The following FBXO11 variants were observed in gnomAD, a reference collection of about 807,000 sequenced individuals.
FBXO11 encodes F-box protein 11, also known as F-box only protein 11.
In FBXO11, 13 loss-of-function variants were observed where a neutral mutation model predicts 117.0. That is an observed-to-expected ratio of 0.11 (90% CI 0.07 to 0.18). FBXO11 has a LOEUF of 0.18. FBXO11 is among the 10% of genes least tolerant of loss of function. FBXO11 has a pLI of 1.00. For synonymous variants in FBXO11, 490 were observed against 380.5 expected (o/e 1.29, Z -3.35); for missense variants, 767 against 1,164.4 (o/e 0.66, Z 4.97).
chr2:47,842,873 T>C (rs1483782067), intron 1 of FBXO11, among the ~76,000 whole-genome samples: 2 of 151,540 alleles, frequency 1.3e-5, no homozygotes, highest in African/African-American at 2.4e-5. Flanking sequence ...CTGTATCTCC[T>C]GGGCTCAAGC....
chr2:47,857,281 G>A (rs931630273), intron 1 of FBXO11, among the ~76,000 whole-genome samples: 3 of 152,014 alleles, frequency 2.0e-5, no homozygotes, highest in Admixed American at 6.6e-5. Context: ...TGAGCAAGAA[G>A]GTATTTTTTT....
chr2:47,891,553 G>T (rs1298376754), intron 1 of FBXO11, among the ~76,000 whole-genome samples: 2 of 152,172 alleles, frequency 1.3e-5, no homozygotes, highest in East Asian at 3.9e-4. Flanking sequence ...CCACATCTTG[G>T]CTATTGTGAA....
intron 1 of FBXO11, among the ~76,000 whole-genome samples, chr2:47,877,359 T>C (rs1676082439): frequency 6.6e-6 from 1 of 152,184 alleles, no homozygotes; most frequent in Non-Finnish European, 1.5e-5. Flanking sequence ...CACTTGAATA[T>C]CAATTATTCC....
intron 1 of FBXO11, among the ~76,000 whole-genome samples, chr2:47,845,061 C>A (rs2104907379): frequency 6.6e-6 from 1 of 152,310 alleles, no homozygotes; most frequent in East Asian, 1.9e-4. Context: ...AGTACATTCT[C>A]AAACTTTTCA....
At chr2:47,834,752 A>G (rs1330582451) in intron 6 of FBXO11, 36 bp downstream of exon 6, 1 of 1,607,914 alleles carries the variant, frequency 6.2e-7, no homozygotes, top group South Asian at 1.1e-5. Context: ...CTGAAAGATT[A>G]CCATTTTAAG....
At chr2:47,808,796 C>A in intron 21 of FBXO11, 1 of 260,468 alleles carries the variant, frequency 3.8e-6, no homozygotes. Context: ...TCTAGGAAAA[C>A]ATTACACAAC....
At chr2:47,809,996 C>A in intron 19 of FBXO11, 1 of 485,074 alleles carries the variant, frequency 2.1e-6, no homozygotes. Flanking sequence ...TTTTCTGTTG[C>A]AGATTTAAAC....
Position 47,823,319 on chromosome 2 carries a change from T to A in FBXO11, c.1440A>T (p.Ala480=). 1 of 1,613,532 alleles carries A rather than the reference T, an allele frequency of 6.2e-7. No homozygotes were observed. The highest frequency in any genetic ancestry group is 8.5e-7 in the Non-Finnish European group (1 of 1,179,734). The change falls in exon 12 of 23, where the codon GCA becomes GCT. Residue 480 remains alanine (A), a synonymous_variant. Coordinates refer to ENST00000403359, the MANE Select transcript of FBXO11 (RefSeq NM_001190274.2). ...TAGCATAGGCTTTTACTTCAAAGCC[T>A]GCTATCCTATTTCTGTGTATATTGC... ...ESCNIHRNRI[A]GFEVKAYANP... is the part of the protein sequence containing the mutation.
chr2:47,863,752 C>T lies in FBXO11; in HGVS notation c.233-23983G>A, dbSNP rs535203779. ...AGTCAGGAGTTTGAGACCAGCCTGG[C>T]TAACAGGGTGGAACCACATATCTAC... On this transcript the variant is annotated intron_variant, in intron 1 of 22. Coordinates refer to ENST00000403359, the MANE Select transcript of FBXO11 (RefSeq NM_001190274.2). Among the ~76,000 whole-genome samples, 33 of 152,210 alleles carry T rather than the reference C, an allele frequency of 2.2e-4. 1 individual carries two copies. The highest frequency in any genetic ancestry group is 7.9e-4 in the African/African-American group (33 of 41,546).
chr2:47,837,874 G>T (rs1275948451), intron 4 of FBXO11, among the ~76,000 whole-genome samples: 1 of 152,002 alleles, frequency 6.6e-6, no homozygotes, highest in Non-Finnish European at 1.5e-5. Context: ...GGGACCACAG[G>T]CAGGAGCCAC....
chr2:47,816,143 T>C (rs1670989038), intron 16 of FBXO11, among the ~76,000 whole-genome samples: 1 of 152,168 alleles, frequency 6.6e-6, no homozygotes, highest in African/African-American at 2.4e-5. Context: ...GCAGAAAAGC[T>C]CAACATTTGG....
intron 7 of FBXO11, among the ~76,000 whole-genome samples, chr2:47,833,366 G>C (rs1672322731): frequency 2.6e-5 from 4 of 152,152 alleles, no homozygotes; most frequent in Admixed American, 2.0e-4. Context: ...TCTGTTTCCA[G>C]CAGCAGCACT....
intron 1 of FBXO11, among the ~76,000 whole-genome samples, chr2:47,895,076 T>C (rs1000939340): frequency 5.9e-5 from 9 of 152,166 alleles, no homozygotes; most frequent in African/African-American, 2.2e-4. Context: ...GCAAAGTAAA[T>C]GGAAATTTTG....
At chr2:47,836,701 C>T (rs1290435925) in intron 4 of FBXO11, among the ~76,000 whole-genome samples, 1 of 152,142 alleles carries the variant, frequency 6.6e-6, no homozygotes, top group Non-Finnish European at 1.5e-5. Context: ...TTTCAATTTC[C>T]TTACAAACTG....
rs117386647 is a variant in FBXO11, at chr2:47,902,992, C to T, written c.232+2497G>A. On this transcript the variant is annotated intron_variant, in intron 1 of 22. Coordinates refer to ENST00000403359, the MANE Select transcript of FBXO11 (RefSeq NM_001190274.2). ...TTAATTATCCTGTAATAATTAAACC[C>T]AGCATATTCCTAAACTAGCAACAAC... Among the ~76,000 whole-genome samples, 26 of 151,642 alleles carry T rather than the reference C, an allele frequency of 1.7e-4. 2 individuals carry two copies. In the East Asian group the frequency reaches 5.0e-3, roughly 29 times the overall value.
At position 47,808,401 on chromosome 2, in the gene FBXO11, C is replaced by T; in HGVS notation, c.2582G>A (p.Arg861Gln). The T allele has an allele frequency of 6.2e-7, 1 of 1,605,146 alleles. No individual in the cohort carries two copies. Among genetic ancestry groups the T allele is most frequent in the Non-Finnish European group, 8.5e-7 (1 of 1,176,498 alleles). Residue 861 changes from arginine to glutamine, a missense_variant, in exon 22 of 23, where the codon CGA (arginine) becomes CAA (glutamine). Arg to Gln is a conservative substitution (Grantham distance 43). This residue lies in a region of FBXO11 where 47 missense variants were observed against 117.3 expected (regional missense o/e 0.40). Transcript: ENST00000403359. ...YRCHTCNTTD[R>Q]NAICVNCIKK... is the part of the protein sequence containing the mutation. The stretch of plus-strand genomic sequence containing the variant: ...AATGCAGTTCACACATATGGCATTT[C>T]GATCTGTGGTGTTACAAGTATGACA...
chr2:47,841,566 G>T (rs1176796115), intron 1 of FBXO11, among the ~76,000 whole-genome samples: 2 of 151,972 alleles, frequency 1.3e-5, no homozygotes, highest in African/African-American at 4.8e-5. Context: ...CAAATAAACT[G>T]GACAAAAACA....
rs527780026 is a variant in FBXO11 at position 47,839,638 on chromosome 2, T to A, written c.360+4A>T. 3 of 1,610,372 alleles carry A rather than the reference T, an allele frequency of 1.9e-6. No homozygotes were observed. The highest frequency in any genetic ancestry group is 2.7e-5 in the African/African-American group (2 of 74,820). Reference sequence around the variant, plus strand: ...AAAAGAAAAGCAACTACAGTTAAAGTTACCTCCATACTGTTCTTTGTGGGA... The same window carrying A: ...AAAAGAAAAGCAACTACAGTTAAAGATACCTCCATACTGTTCTTTGTGGGA... On this transcript the variant is annotated splice_donor_region_variant and intron_variant, in intron 2 of 22. Transcript: ENST00000403359.
chr2:47,852,124 G>T (rs973292987), intron 1 of FBXO11, among the ~76,000 whole-genome samples: 1 of 151,786 alleles, frequency 6.6e-6, no homozygotes, highest in Non-Finnish European at 1.5e-5. Context: ...CGAATAGCTG[G>T]GATTACAGGC....
Sources: gnomAD v4.1 joint callset for allele counts (sites outside exome capture counted in the v4.1 genomes callset) on GRCh38, gnomAD v4.1.1 for gene constraint, gnomAD v4.1.1 regional missense constraint, MANE v1.5 for transcripts, NCBI Gene and HGNC (gene_info 2026-07-23, HGNC 2026-07-21) for gene names.